The following CFAP20DC variants were observed in gnomAD, a reference collection of about 807,000 sequenced individuals.
The protein encoded by CFAP20DC is CFAP20 domain containing, also known as protein CFAP20DC.
A neutral mutation model predicts 101.7 loss-of-function variants in CFAP20DC; 84 were observed. That is an observed-to-expected ratio of 0.83 (90% CI 0.69 to 0.99). The LOEUF (loss-of-function observed/expected upper bound fraction) is 0.99. Ranked by LOEUF, CFAP20DC falls within the 50% of genes least tolerant of loss-of-function variation. The probability of loss-of-function intolerance (pLI) is 0.00; values close to 1 mark genes in which losing one functional copy is unlikely to be tolerated. For missense variants in CFAP20DC, 1,007 were observed against 970.3 expected, an observed-to-expected ratio of 1.04 and a Z score of -0.50; for synonymous variants, 359 against 351.2, an observed-to-expected ratio of 1.02 and a Z score of -0.25.
chr3:59,044,706 G>A (rs1699700919), intron 3 of CFAP20DC, among the ~76,000 whole-genome samples: 1 of 151,768 alleles, frequency 6.6e-6, no homozygotes, highest in Non-Finnish European at 1.5e-5. Context: ...TTTTAATAAG[G>A]TAACCATGTG....
At position 58,863,370 on chromosome 3, in the gene CFAP20DC, T is replaced by TA. The variant is rs879308973; in HGVS notation, c.1593+187dup. On this transcript the variant is annotated intron_variant, in intron 12 of 16. Transcript: ENST00000482387. This position sits in a 1 kb window ranked among gnomAD's most constrained non-coding sequence, Gnocchi z 5.9. ...AAAGTGAAATTGGCTGACTGTTAAT[T>TA]AAAAAAAAAAAAAGACAGTTTAAAG... is the stretch of plus-strand genomic sequence containing the variant. The TA allele has an allele frequency of 0.032, 32,854 of 1,020,996 alleles. No individual in the cohort carries two copies. Among genetic ancestry groups the TA allele is most frequent in the South Asian group, 0.042 (1,813 of 43,118 alleles). The allele number at this position is 1,020,996 out of a possible 1,614,324, so 63.2% of individuals were successfully genotyped here.
intron 15 of CFAP20DC, among the ~76,000 whole-genome samples, chr3:58,775,915 T>G (rs2071297670): frequency 6.6e-6 from 1 of 152,048 alleles, no homozygotes; most frequent in African/African-American, 2.4e-5. Flanking sequence ...CTGGCTAATT[T>G]TGTATTTTTA....
intron 13 of CFAP20DC, among the ~76,000 whole-genome samples, chr3:58,839,339 C>A (rs928585376): frequency 2.3e-4 from 35 of 152,102 alleles, no homozygotes; most frequent in African/African-American, 6.3e-4. Context: ...TGAGGTGGAG[C>A]CTTTCTGCTT....
intron 15 of CFAP20DC, among the ~76,000 whole-genome samples, chr3:58,767,578 G>T (rs530983525): frequency 2.9e-4 from 44 of 152,236 alleles, no homozygotes; most frequent in Admixed American, 2.4e-3. Context: ...ACTTTCTGTA[G>T]AGACAGGGTC....
At chr3:58,828,700 T>C (rs1228395122) in intron 14 of CFAP20DC, among the ~76,000 whole-genome samples, 3 of 152,110 alleles carry the variant, frequency 2.0e-5, no homozygotes, top group East Asian at 3.9e-4. Flanking sequence ...TTGGGTACTA[T>C]GCTCAATACC....
intron 14 of CFAP20DC, among the ~76,000 whole-genome samples, chr3:58,813,231 T>C (rs2074815524): frequency 6.6e-6 from 1 of 151,840 alleles, no homozygotes; most frequent in Non-Finnish European, 1.5e-5. Context: ...TCAGTTACAT[T>C]TCAAAACATA....
intron 7 of CFAP20DC, among the ~76,000 whole-genome samples, chr3:58,884,288 T>C (rs1353194421): frequency 6.6e-6 from 1 of 152,220 alleles, no homozygotes; most frequent in Non-Finnish European, 1.5e-5. Flanking sequence ...CATAACCATT[T>C]CTCTCACTGC....
chr3:58,928,085 TA>T (rs1420905652), intron 5 of CFAP20DC, among the ~76,000 whole-genome samples: 1 of 152,214 alleles, frequency 6.6e-6, no homozygotes, highest in Non-Finnish European at 1.5e-5. Flanking sequence ...GGAGATACAT[TA>T]AGATTTGTCA....
At chr3:59,030,275 G>C (rs1227522075) in intron 4 of CFAP20DC, among the ~76,000 whole-genome samples, 1 of 152,130 alleles carries the variant, frequency 6.6e-6, no homozygotes, top group Non-Finnish European at 1.5e-5. Flanking sequence ...TTTCATTTAA[G>C]GGGGAAAAAA....
intron 7 of CFAP20DC, among the ~76,000 whole-genome samples, chr3:58,881,277 TTTTAAG>T (rs1202425065): frequency 3.9e-5 from 6 of 152,160 alleles, no homozygotes; most frequent in Non-Finnish European, 7.4e-5. Flanking sequence ...GCCTTGTAAT[TTTTAAG>T]TAAGTTACTA....
intron 13 of CFAP20DC, 71 bp from the exon 14 acceptor site, chr3:58,831,960 C>G: frequency 2.3e-6 from 3 of 1,322,450 alleles, no homozygotes; most frequent in Non-Finnish European, 2.2e-6. Flanking sequence ...AATGCCACAG[C>G]CTTAACCCCT....
intron 4 of CFAP20DC, among the ~76,000 whole-genome samples, chr3:58,979,118 T>A (rs770843587): frequency 6.6e-6 from 1 of 152,172 alleles, no homozygotes; most frequent in Non-Finnish European, 1.5e-5. Flanking sequence ...CTAGATGATA[T>A]GTTCTGTCAA....
chr3:58,949,638 A>G (rs1291538025), intron 4 of CFAP20DC, among the ~76,000 whole-genome samples: 1 of 152,160 alleles, frequency 6.6e-6, no homozygotes, highest in Non-Finnish European at 1.5e-5. Context: ...TGCACAATCC[A>G]GCATATAAAC....
Position 59,038,131 on chromosome 3 carries a change from TG to T in CFAP20DC, c.278+1425del, listed in dbSNP as rs551233259. On this transcript the variant is annotated intron_variant, in intron 4 of 16. Coordinates refer to ENST00000482387, the MANE Select transcript of CFAP20DC (RefSeq NM_001394063.1). ...TCACACACCAGGGCCTATCAGGGGC[TG>T]GGGGGCTAGGGGAGGGATAGCATTA... Among the ~76,000 whole-genome samples the T allele has an allele frequency of 5.1e-4, 77 of 152,088 alleles. 1 individual carries two copies. Among genetic ancestry groups the T allele is most frequent in the African/African-American group, 1.8e-3 (76 of 41,492 alleles).
chr3:59,036,819 G>A (rs1330368618), intron 4 of CFAP20DC, among the ~76,000 whole-genome samples: 6 of 152,130 alleles, frequency 3.9e-5, no homozygotes, highest in Non-Finnish European at 8.8e-5. Flanking sequence ...AGCCCATATA[G>A]CCAAAACAAT....
chr3:58,867,495 T>G (rs1350208262), intron 10 of CFAP20DC, among the ~76,000 whole-genome samples: 1 of 152,214 alleles, frequency 6.6e-6, no homozygotes, highest in African/African-American at 2.4e-5. Context: ...AAGTTCCATT[T>G]TAGTAAAGTC....
intron 4 of CFAP20DC, among the ~76,000 whole-genome samples, chr3:59,032,787 C>T (rs779147274): frequency 2.0e-5 from 3 of 152,160 alleles, no homozygotes; most frequent in Non-Finnish European, 4.4e-5. Context: ...CAGACTTAAA[C>T]GTTCCTGCCT....
In CFAP20DC at chr3:58,859,813, A is replaced by G. The variant is rs1436361234; in HGVS notation, c.1593+3745T>C. 6.6e-6 allele frequency among the ~76,000 whole-genome samples: 1 copy of G among 152,212 alleles called. No individual in the cohort carries two copies. The highest frequency in any genetic ancestry group is 1.9e-4 in the East Asian group (1 of 5,200). The stretch of plus-strand genomic sequence containing the variant: ...AAGTATCTGAAGGCTACATAGAAAT[A>G]TAAGAAGACTACTGTCAACTAAATA... On this transcript the variant is annotated intron_variant, in intron 12 of 16. Transcript: ENST00000482387. This position sits in a 1 kb window ranked among gnomAD's most constrained non-coding sequence, Gnocchi z 4.1.
chr3:58,737,136 A>T, downstream of CFAP20DC: 1 of 454,692 alleles, frequency 2.2e-6, no homozygotes, highest in Admixed American at 2.4e-5. This position sits in a 1 kb window ranked among gnomAD's most constrained non-coding sequence, Gnocchi z 4.1. Flanking sequence ...GACTTAAGAA[A>T]TGTTCAGGCT....
Sources: allele counts gnomAD v4.1 joint callset (sites outside exome capture counted in the v4.1 genomes callset), GRCh38; gene constraint gnomAD v4.1.1; non-coding constraint Gnocchi (gnomAD v3.1); transcripts MANE v1.5; gene names NCBI Gene and HGNC (gene_info 2026-07-23, HGNC 2026-07-21).